The following ABCA13 variants were observed in gnomAD, a reference collection of about 807,000 sequenced individuals.
ABCA13 encodes the protein ATP binding cassette subfamily A member 13.
In ABCA13, 476 loss-of-function variants were observed where a neutral mutation model predicts 478.7. The ratio of observed to expected loss-of-function variants is 0.99; its 90% CI spans 0.92 to 1.07. The LOEUF is 1.07. ABCA13 is among the 50% of genes least tolerant of loss of function. The pLI, the probability that ABCA13 is intolerant of heterozygous loss-of-function variation, is 0.00. For synonymous variants in ABCA13, 2,252 were observed against 2,158.9 expected, an observed-to-expected ratio of 1.04 and a Z score of -1.20; for missense variants, 6,060 against 5,910.6, an observed-to-expected ratio of 1.03 and a Z score of -0.83.
intron 55 of ABCA13, among the ~76,000 whole-genome samples, chr7:48,545,722 A>C (rs1401364727): frequency 1.3e-5 from 2 of 151,514 alleles, no homozygotes; most frequent in African/African-American, 4.8e-5. Context: ...AAAATGTAAG[A>C]AGTACCATGA....
Position 48,372,417 on chromosome 7 carries a change from G to GTGTA in ABCA13, c.11054_11057dup (p.Met3687ValfsTer16). ...TACAGCGGCCCTTTGTACCAGCCTG[G>GTGTA]TGTACATGATCAGCTTTCTGCCCTA... On this transcript the variant is annotated frameshift_variant, in exon 33 of 62. Coordinates refer to ENST00000435803, the MANE Select transcript of ABCA13 (RefSeq NM_152701.5). LOFTEE classifies it high-confidence loss of function. 6.2e-7 allele frequency: 1 copy of GTGTA among 1,613,370 alleles called. No individual in the cohort carries two copies. Among genetic ancestry groups the GTGTA allele is most frequent in the South Asian group, 1.1e-5 (1 of 91,066 alleles).
intron 27 of ABCA13, among the ~76,000 whole-genome samples, chr7:48,318,185 G>C (rs1802864204): frequency 6.6e-6 from 1 of 152,174 alleles, no homozygotes; most frequent in Admixed American, 6.5e-5. Context: ...TTGCCTTCAT[G>C]AGTTTCATGC....
Position 48,410,093 on chromosome 7 carries a change from C to CAAAAAAAAAA in ABCA13, c.12071-418_12071-409dup, listed in dbSNP as rs58724216. Among the ~76,000 whole-genome samples, 219 of 67,070 alleles carry CAAAAAAAAAA rather than the reference C, an allele frequency of 3.3e-3. 4 individuals carry two copies. The highest frequency in any genetic ancestry group is 4.1e-3 in the Non-Finnish European group (144 of 35,208). 44.0% of individuals were successfully genotyped at this position (67,070 alleles called of 152,430 possible). A position where few individuals can be genotyped will look rare whatever the true frequency, so the allele number is the denominator to read the frequency against. ...TGGGAGACAGAGCAAGACTCCATCT[C>CAAAAAAAAAA]AAAAAAAAAAAAAAAAAAGGATGAG... is the stretch of plus-strand genomic sequence containing the variant. On this transcript the variant is annotated intron_variant, in intron 39 of 61. Transcript: ENST00000435803.
rs533647803 is a variant in ABCA13, at chr7:48,248,587, C to G, written c.1865+143C>G. On this transcript the variant is annotated intron_variant, in intron 14 of 61. Coordinates refer to ENST00000435803, the MANE Select transcript of ABCA13 (RefSeq NM_152701.5). The stretch of plus-strand genomic sequence containing the variant: ...TTCAATTTATTTTAAAAATATTAAC[C>G]TACTGGTACTGTTGGAAAGCATCTA... 2.3e-4 allele frequency: 156 copies of G among 677,616 alleles called. No homozygotes were observed. In the South Asian group the frequency reaches 5.0e-3, roughly 22 times the overall value. 42.0% of individuals were successfully genotyped at this position (677,616 alleles called of 1,614,324 possible).
chr7:48,352,199 C>A lies in ABCA13; in HGVS notation c.10400C>A (p.Ser3467Tyr). 1 of 1,605,598 alleles carries A rather than the reference C, an allele frequency of 6.2e-7. No individual in the cohort carries two copies. Among genetic ancestry groups the A allele is most frequent in the South Asian group, 1.1e-5 (1 of 90,740 alleles). ...SFLASIIFSNSLFDKNFRSES... is the reference protein window; with the variant it reads ...SFLASIIFSNYLFDKNFRSES... ...CCACTAGGTATCATTTTCAGCAATT[C>A]CTTATTCGACAAGAACTTCAGATCA... The change falls in exon 31 of 62, where the codon TCC becomes TAC. Residue 3467 changes from serine to tyrosine, a missense_variant. Ser to Tyr is a moderately radical substitution (Grantham distance 144, BLOSUM62 -2). Coordinates refer to ENST00000435803, the MANE Select transcript of ABCA13 (RefSeq NM_152701.5).
intron 29 of ABCA13, among the ~76,000 whole-genome samples, chr7:48,341,039 C>T (rs1807080841): frequency 6.6e-6 from 1 of 152,076 alleles, no homozygotes; most frequent in African/African-American, 2.4e-5. Flanking sequence ...ACATCATTTC[C>T]CTGATCAGTT....
At chr7:48,433,122 G>A in intron 42 of ABCA13, among the ~76,000 whole-genome samples, 1 of 151,068 alleles carries the variant, frequency 6.6e-6, no homozygotes. Flanking sequence ...TTTATGACAG[G>A]TTAAAAAAAA....
intron 35 of ABCA13, among the ~76,000 whole-genome samples, chr7:48,378,054 T>C (rs895846880): frequency 6.6e-6 from 1 of 152,214 alleles, no homozygotes; most frequent in African/African-American, 2.4e-5. Context: ...AGGAACATTG[T>C]ATTCAGCTGA....
Position 48,278,237 on chromosome 7 carries a change from A to G in ABCA13, c.7043A>G (p.Asn2348Ser). 6.2e-7 allele frequency: 1 copy of G among 1,609,840 alleles called. No individual in the cohort carries two copies. Among genetic ancestry groups the G allele is most frequent in the Non-Finnish European group, 8.5e-7 (1 of 1,177,392 alleles). Residue 2348 changes from asparagine to serine, a missense_variant, in exon 18 of 62, where the codon AAT becomes AGT. Around this residue, in one of 3 missense-constraint regions of ABCA13, gnomAD observed 4,423 missense variants for 4,309.1 expected, o/e 1.03. Transcript: ENST00000435803. ...HLMKSSFILD[N>S]GEFYFDTHQG... is the part of the protein sequence containing the mutation. ...ATGAAAAGTTCATTTATATTAGACA[A>G]TGGAGAATTTTATTTTGATACTCAT...
chr7:48,403,554 C>T, intron 38 of ABCA13, 129 bp from the exon 39 acceptor site: 2 of 935,634 alleles, frequency 2.1e-6, no homozygotes. Flanking sequence ...TGTGTAGCAT[C>T]CACACCTCTG....
chr7:48,251,459 C>T (rs1261930178), intron 15 of ABCA13, among the ~76,000 whole-genome samples: 1 of 151,958 alleles, frequency 6.6e-6, no homozygotes, highest in Non-Finnish European at 1.5e-5. Context: ...AGATTTTATT[C>T]CTAGCATAGG....
intron 43 of ABCA13, among the ~76,000 whole-genome samples, chr7:48,455,977 A>G (rs1825629562): frequency 1.4e-5 from 2 of 147,898 alleles, no homozygotes; most frequent in South Asian, 4.8e-4. Flanking sequence ...CTCTAGATTC[A>G]GGAGAATCTG....
chr7:48,626,652 A>T (rs1483933637), intron 59 of ABCA13: 1 of 985,420 alleles, frequency 1.0e-6, no homozygotes, highest in African/African-American at 1.7e-5. Context: ...CACATGGAGA[A>T]GGCAGCATGG....
At chr7:48,438,387 T>A (rs1343728684) in intron 42 of ABCA13, among the ~76,000 whole-genome samples, 3 of 152,086 alleles carry the variant, frequency 2.0e-5, no homozygotes, top group Non-Finnish European at 4.4e-5. Flanking sequence ...GTTGTTTTAG[T>A]CAGTCTGTAG....
intron 55 of ABCA13, among the ~76,000 whole-genome samples, chr7:48,575,583 G>A (rs1416589798): frequency 6.6e-6 from 1 of 151,794 alleles, no homozygotes; most frequent in Non-Finnish European, 1.5e-5. Flanking sequence ...TAGATTAGAA[G>A]CCATTGACAT....
rs138357487 is a variant in ABCA13 at position 48,240,911 on chromosome 7, C to T, written c.1107C>T (p.Leu369=). Residue 369 remains leucine (L), a synonymous_variant, in exon 10 of 62, where the codon CTC becomes CTT. Coordinates refer to ENST00000435803, the MANE Select transcript of ABCA13 (RefSeq NM_152701.5). ...AGGGTAGCCTGCTTCAGAAGACACT[C>T]ACAGGCATGGGCCATAGTCTGGAGG... ...WQQGSLLQKT[L]TGMGHSLEAL... 667 of 1,602,978 alleles carry T rather than the reference C, an allele frequency of 4.2e-4. 3 individuals carry two copies. In the African/African-American group the frequency reaches 7.8e-3, roughly 19 times the overall value.
In ABCA13 at chr7:48,347,181, A is replaced by G. The variant is rs181624316; in HGVS notation, c.10205-3462A>G. On this transcript the variant is annotated intron_variant, in intron 29 of 61. Transcript: ENST00000435803. ...GGTACTAGGTGGTGTTCCAGGGCCC[A>G]TGGAAAATCATGGAATAAACATGAT... is the stretch of plus-strand genomic sequence containing the variant. Among the ~76,000 whole-genome samples, 163 of 152,320 alleles carry G rather than the reference A, an allele frequency of 1.1e-3. 1 individual carries two copies. The highest frequency in any genetic ancestry group is 3.8e-3 in the African/African-American group (160 of 41,576).
intron 43 of ABCA13, among the ~76,000 whole-genome samples, chr7:48,455,955 T>C (rs940781202): frequency 6.6e-6 from 1 of 152,146 alleles, no homozygotes; most frequent in African/African-American, 2.4e-5. Context: ...TGCCTTAGTT[T>C]AGCGGGCTCC....
At position 48,278,648 on chromosome 7, in the gene ABCA13, C is replaced by A; in HGVS notation, c.7454C>A (p.Ala2485Glu). Residue 2485 changes from alanine (A) to glutamate (E), a missense_variant, in exon 18 of 62, where the codon GCA becomes GAA. By Grantham distance (107) the Ala-to-Glu change is moderately radical (BLOSUM62 -1). This residue lies in a region of ABCA13 where 4,423 missense variants were observed against 4,309.1 expected (regional missense o/e 1.03). Coordinates refer to ENST00000435803, the MANE Select transcript of ABCA13 (RefSeq NM_152701.5). ...TKRLVGAISR[A>E]SEESHVLKPL... is the part of the protein sequence containing the mutation. ...AGATTAGTTGGTGCTATTTCAAGAG[C>A]AAGTGAAGAAAGTCACGTCCTGAAA... 1 of 1,613,542 alleles carries A rather than the reference C, an allele frequency of 6.2e-7. No individual in the cohort carries two copies. The highest frequency in any genetic ancestry group is 8.5e-7 in the Non-Finnish European group (1 of 1,179,484).
Sources: allele counts gnomAD v4.1 joint callset (sites outside exome capture counted in the v4.1 genomes callset), GRCh38; gene constraint gnomAD v4.1.1; regional missense constraint gnomAD v4.1.1; transcripts MANE v1.5; gene names NCBI Gene and HGNC (gene_info 2026-07-23, HGNC 2026-07-21).